The following HIVEP3 variants were observed in gnomAD, a reference collection of about 807,000 sequenced individuals.
HIVEP3 encodes the protein HIVEP zinc finger 3.
HIVEP3 carries 49 observed loss-of-function variants against 152.8 expected under a neutral mutation model. That is an observed-to-expected ratio of 0.32 (90% CI 0.26 to 0.41). The LOEUF (loss-of-function observed/expected upper bound fraction) is 0.41, where lower values mean the gene tolerates loss of function less well. Ranked by LOEUF, HIVEP3 falls within the 10% of genes least tolerant of loss-of-function variation. HIVEP3 has a pLI of 1.00. For missense variants in HIVEP3, 2,790 were observed against 3,103.3 expected (o/e 0.90, Z 2.40); for synonymous variants, 1,269 against 1,289.0 (o/e 0.98, Z 0.33).
intron 3 of HIVEP3, among the ~76,000 whole-genome samples, chr1:41,602,587 T>G (rs1204636830): frequency 2.0e-5 from 3 of 152,124 alleles, no homozygotes; most frequent in Non-Finnish European, 4.4e-5. Context: ...TGATGTCTCT[T>G]CTTTAATTTA....
chr1:41,845,332 C>G (rs1643407122), intron 1 of HIVEP3, among the ~76,000 whole-genome samples: 1 of 151,656 alleles, frequency 6.6e-6, no homozygotes, highest in Non-Finnish European at 1.5e-5. Context: ...TAAATAAATA[C>G]TAGTAGAATG....
intron 1 of HIVEP3, among the ~76,000 whole-genome samples, chr1:41,779,586 C>T (rs185975340): frequency 1.1e-3 from 172 of 152,360 alleles, no homozygotes; most frequent in African/African-American, 3.5e-3. Context: ...ACCTCCACCT[C>T]CAGGGTTCAA....
chr1:41,702,258 T>C (rs187345502), intron 1 of HIVEP3, among the ~76,000 whole-genome samples: 1 of 152,274 alleles, frequency 6.6e-6, no homozygotes, highest in East Asian at 1.9e-4. Context: ...ACCACCACCA[T>C]CTTGCTTCCC....
chr1:41,926,355 G>A (rs745741656), intron 1 of HIVEP3, among the ~76,000 whole-genome samples: 8 of 152,042 alleles, frequency 5.3e-5, no homozygotes, highest in Non-Finnish European at 1.0e-4. Context: ...CATATTATTC[G>A]AATCAGCCCA....
At chr1:41,537,161 A>G (rs1643422312) in intron 5 of HIVEP3, among the ~76,000 whole-genome samples, 1 of 152,190 alleles carries the variant, frequency 6.6e-6, no homozygotes, top group Non-Finnish European at 1.5e-5. Flanking sequence ...ATGGCCTCCA[A>G]GTTACCTTCT....
At chr1:41,969,552 T>C (rs1399996880) in intron 1 of HIVEP3, among the ~76,000 whole-genome samples, 1 of 152,082 alleles carries the variant, frequency 6.6e-6, no homozygotes, top group Non-Finnish European at 1.5e-5. Context: ...TATACAAAAA[T>C]TAGCTCAAGA....
intron 1 of HIVEP3, among the ~76,000 whole-genome samples, chr1:41,894,163 C>T (rs932175887): frequency 1.3e-5 from 2 of 152,030 alleles, no homozygotes; most frequent in Non-Finnish European, 2.9e-5. Context: ...TTTCTAAGTA[C>T]CAGGCACTAT....
In HIVEP3 at chr1:41,510,685, G is replaced by C. The variant is rs570598805; in HGVS notation, c.6987C>G (p.Ser2329Arg). 6.6e-7 allele frequency: 1 copy of C among 1,520,430 alleles called. No individual in the cohort carries two copies. Among genetic ancestry groups the C allele is most frequent in the South Asian group, 1.2e-5 (1 of 80,842 alleles). The allele number at this position is 1,520,430 out of a possible 1,614,324, so 94.2% of individuals were successfully genotyped here. Residue 2329 changes from serine (S) to arginine (R), a missense_variant, in exon 9 of 9, where the codon AGC (serine) becomes AGG (arginine). Coordinates refer to ENST00000372583, the MANE Select transcript of HIVEP3 (RefSeq NM_024503.5). ...PQGRRAAQSW[S>R]PRLESPRAPT... Reference sequence around the variant, plus strand: ...GTGCACGCGGGGACTCCAAGCGGGGGCTCCAGGACTGCGCTGCCCGGCGTC... The same window carrying C: ...GTGCACGCGGGGACTCCAAGCGGGGCCTCCAGGACTGCGCTGCCCGGCGTC...
chr1:41,527,491 A>C (rs1569747067), intron 5 of HIVEP3, among the ~76,000 whole-genome samples: 5 of 63,664 alleles, frequency 7.9e-5, no homozygotes, highest in Admixed American at 3.3e-4. Flanking sequence ...CTCACACACC[A>C]CCCTCACACA....
At chr1:41,798,240 T>C (rs1025439185) in intron 1 of HIVEP3, among the ~76,000 whole-genome samples, 3 of 151,470 alleles carry the variant, frequency 2.0e-5, no homozygotes, top group Non-Finnish European at 4.4e-5. Flanking sequence ...TATACATATG[T>C]AACAAACCTG....
intron 2 of HIVEP3, among the ~76,000 whole-genome samples, chr1:41,642,589 T>C (rs1374930261): frequency 1.7e-4 from 26 of 152,336 alleles, no homozygotes; most frequent in Admixed American, 6.5e-5. Flanking sequence ...ATATAATACA[T>C]ACAAATGTGT....
chr1:41,951,701 C>T (rs1476485358), intron 1 of HIVEP3, among the ~76,000 whole-genome samples: 1 of 152,106 alleles, frequency 6.6e-6, no homozygotes, highest in Non-Finnish European at 1.5e-5. Context: ...CACCTCTTCA[C>T]AGAGCAGCAG....
intron 1 of HIVEP3, among the ~76,000 whole-genome samples, chr1:41,853,836 G>A (rs565443215): frequency 1.3e-5 from 2 of 152,226 alleles, no homozygotes; most frequent in African/African-American, 4.8e-5. Context: ...GCTACCCAGG[G>A]TCTCCACCTG....
intron 1 of HIVEP3, among the ~76,000 whole-genome samples, chr1:41,831,670 A>G (rs1263225050): frequency 6.6e-6 from 1 of 152,234 alleles, no homozygotes; most frequent in Non-Finnish European, 1.5e-5. Flanking sequence ...TTGCATAAAT[A>G]TCATGAGAAC....
chr1:41,925,944 A>G (rs892309724), intron 1 of HIVEP3, among the ~76,000 whole-genome samples: 2 of 152,158 alleles, frequency 1.3e-5, no homozygotes, highest in Non-Finnish European at 2.9e-5. Context: ...AACAGATGTG[A>G]AATGTATAAT....
intron 5 of HIVEP3, chr1:41,535,881 A>G (rs1276397896): frequency 6.6e-6 from 1 of 151,600 alleles, no homozygotes; most frequent in Non-Finnish European, 1.5e-5. Flanking sequence ...AGAGCAGCAC[A>G]GTATGATCTA....
intron 1 of HIVEP3, among the ~76,000 whole-genome samples, chr1:41,962,561 T>C (rs529723133): frequency 6.6e-6 from 1 of 152,352 alleles, no homozygotes; most frequent in African/African-American, 2.4e-5. Flanking sequence ...ATGAAAGTTA[T>C]TATGCTCTTT....
intron 1 of HIVEP3, among the ~76,000 whole-genome samples, chr1:41,758,422 A>G (rs1647457291): frequency 6.6e-6 from 1 of 152,234 alleles, no homozygotes; most frequent in Admixed American, 6.5e-5. Context: ...ACATCTATCC[A>G]CCAGGGCCTA....
intron 1 of HIVEP3, among the ~76,000 whole-genome samples, chr1:41,927,185 A>T (rs1644972476): frequency 6.6e-6 from 1 of 152,184 alleles, no homozygotes; most frequent in African/African-American, 2.4e-5. Context: ...TGTAGCACAA[A>T]TGAGTTTCTC....
Sources: allele counts gnomAD v4.1 joint callset (sites outside exome capture counted in the v4.1 genomes callset), GRCh38; gene constraint gnomAD v4.1.1; transcripts MANE v1.5; gene names NCBI Gene and HGNC (gene_info 2026-07-23, HGNC 2026-07-21).